The following SIRPA variants were observed in gnomAD, a reference collection of about 807,000 sequenced individuals.
SIRPA encodes signal regulatory protein alpha.
SIRPA carries 9 observed loss-of-function variants against 50.3 expected under a neutral mutation model. That is an observed-to-expected ratio of 0.18 (90% CI 0.11 to 0.31). The LOEUF (loss-of-function observed/expected upper bound fraction) is 0.31. Among genes scored for constraint, SIRPA ranks in the 10% least tolerant of loss-of-function variants. SIRPA has a pLI of 1.00. For synonymous variants in SIRPA, 265 were observed against 284.1 expected, an observed-to-expected ratio of 0.93 and a Z score of 0.68; for missense variants, 474 against 661.6, an observed-to-expected ratio of 0.72 and a Z score of 3.11.
Position 1,895,453 on chromosome 20 carries a change from G to T in SIRPA, c.6G>T (p.Glu2Asp), listed in dbSNP as rs1312698186. 7.1e-7 allele frequency: 1 copy of T among 1,414,354 alleles called. No homozygotes were observed. The highest frequency in any genetic ancestry group is 1.5e-5 in the South Asian group (1 of 65,946). The allele number at this position is 1,414,354 out of a possible 1,614,324, so 87.6% of individuals were successfully genotyped here. M[E>D]PAGPAPGRLG... The stretch of plus-strand genomic sequence containing the variant: ...TCGCTCCGCAGCCGCGGCCCATGGA[G>T]CCCGCCGGCCCGGCCCCCGGCCGCC... The change falls in exon 1 of 8, where the codon GAG becomes GAT. Residue 2 changes from glutamate to aspartate, a missense_variant. Around this residue, in one of 4 missense-constraint regions of SIRPA, gnomAD observed 72 missense variants for 76.2 expected, o/e 0.94. Transcript: ENST00000358771.
intron 6 of SIRPA, among the ~76,000 whole-genome samples, chr20:1,930,831 C>G (rs749256620): frequency 1.3e-5 from 2 of 152,196 alleles, no homozygotes; most frequent in Non-Finnish European, 1.5e-5. Flanking sequence ...CTCAGGTAAT[C>G]CACCTGCCTC....
At chr20:1,895,606 C>A in intron 1 of SIRPA, 80 bp downstream of exon 1, 2 of 1,097,514 alleles carry the variant, frequency 1.8e-6, no homozygotes, top group Non-Finnish European at 2.4e-6. Context: ...GGGACCCCTT[C>A]GGCTAATGCC....
At chr20:1,919,292 T>C (rs556887786) in intron 2 of SIRPA, among the ~76,000 whole-genome samples, 2 of 152,372 alleles carry the variant, frequency 1.3e-5, no homozygotes, top group East Asian at 3.9e-4. Flanking sequence ...CTAAAGTTTT[T>C]AATTAATCCA....
At chr20:1,900,767 C>G (rs1485169667) in intron 1 of SIRPA, among the ~76,000 whole-genome samples, 2 of 152,228 alleles carry the variant, frequency 1.3e-5, no homozygotes, top group African/African-American at 2.4e-5. Context: ...AGAAATCTGA[C>G]AGGATCCCGA....
rs1431156753 is a variant in SIRPA at position 1,937,995 on chromosome 20, A to ACCACCG, written c.*432_*433insGCCACC. ...CTCCACCACCTCCACCACCACCACC[A>ACCACCG]CCACCACCACCACCACTACCACCAC... On this transcript the variant is annotated 3_prime_UTR_variant, in exon 8 of 8. Transcript: ENST00000358771. The surrounding 1 kb of genome is among the most constrained non-coding windows in gnomAD (Gnocchi z 8.3). 2 of 142,246 alleles carry ACCACCG rather than the reference A, an allele frequency of 1.4e-5. No individual in the cohort carries two copies. Among genetic ancestry groups the ACCACCG allele is most frequent in the Non-Finnish European group, 1.4e-5 (1 of 73,630 alleles). 8.8% of individuals were successfully genotyped at this position (142,246 alleles called of 1,614,324 possible). A position where few individuals can be genotyped will look rare whatever the true frequency, so the allele number is the denominator to read the frequency against.
At chr20:1,895,670 G>A in intron 1 of SIRPA, 144 bp downstream of exon 1, 1 of 599,418 alleles carries the variant, frequency 1.7e-6, no homozygotes, top group Non-Finnish European at 2.6e-6. Flanking sequence ...TGCAGAAACT[G>A]AGGCCCAGAG....
chr20:1,895,552 C>G, intron 1 of SIRPA, 26 bp downstream of exon 1: 1 of 1,407,156 alleles, frequency 7.1e-7, no homozygotes, highest in Admixed American at 3.3e-5. Flanking sequence ...CTCCCCACCG[C>G]TGCACTCCCC....
Position 1,898,598 on chromosome 20 carries a change from T to C in SIRPA, c.79+3072T>C, listed in dbSNP as rs1737450794. Among the ~76,000 whole-genome samples, 2 of 152,108 alleles carry C rather than the reference T, an allele frequency of 1.3e-5. No homozygotes were observed. The highest frequency in any genetic ancestry group is 2.4e-5 in the African/African-American group (1 of 41,416). Reference sequence around the variant, plus strand: ...AACTGGGGAACTAACTTATAAGTGATAGAGAGGAGCCAGGATTTTGGATGC... The same window carrying C: ...AACTGGGGAACTAACTTATAAGTGACAGAGAGGAGCCAGGATTTTGGATGC... On this transcript the variant is annotated intron_variant, in intron 1 of 7. Coordinates refer to ENST00000358771, the MANE Select transcript of SIRPA (RefSeq NM_001040023.2). The surrounding 1 kb of genome is among the most constrained non-coding windows in gnomAD (Gnocchi z 4.3).
rs1175849155 is a variant in SIRPA, at chr20:1,933,197, A to G, written c.1227-1518A>G. On this transcript the variant is annotated intron_variant, in intron 6 of 7. Transcript: ENST00000358771. This position sits in a 1 kb window ranked among gnomAD's most constrained non-coding sequence, Gnocchi z 4.4. ...GGCAGGCAGGCAGGCAGACAGCAAT[A>G]GAAACCAGATATGCAGATAGACAGG... is the stretch of plus-strand genomic sequence containing the variant. 6.6e-6 allele frequency among the ~76,000 whole-genome samples: 1 copy of G among 152,218 alleles called. No homozygotes were observed. Among genetic ancestry groups the G allele is most frequent in the East Asian group, 1.9e-4 (1 of 5,196 alleles).
At chr20:1,897,711 TC>T (rs1306434152) in intron 1 of SIRPA, among the ~76,000 whole-genome samples, 1 of 150,778 alleles carries the variant, frequency 6.6e-6, no homozygotes, top group African/African-American at 2.4e-5. Context: ...GTCACATGAT[TC>T]CTGTGTCTTC....
intron 2 of SIRPA, 133 bp from the exon 3 acceptor site, chr20:1,921,262 G>A (rs907293647): frequency 5.5e-5 from 82 of 1,492,404 alleles, no homozygotes; most frequent in African/African-American, 1.4e-4. Flanking sequence ...TAAGGACACC[G>A]CCCTCATTAA....
At chr20:1,911,958 AAAAC>A (rs1318794239) in intron 1 of SIRPA, among the ~76,000 whole-genome samples, 2 of 152,146 alleles carry the variant, frequency 1.3e-5, no homozygotes, top group African/African-American at 4.8e-5. Context: ...AAAAAAAAAA[AAAAC>A]CCCTCTCTAC....
rs959992589 is a variant in SIRPA, at chr20:1,924,617, G to C, written c.1088-147G>C. ...TGGGCAAGTGTGTACAGACCCATGAGTGTGCCCATGTGGCTCGAGACATCT... is the reference window on the plus strand; with the variant it reads ...TGGGCAAGTGTGTACAGACCCATGACTGTGCCCATGTGGCTCGAGACATCT... On this transcript the variant is annotated intron_variant, in intron 4 of 7. Coordinates refer to ENST00000358771, the MANE Select transcript of SIRPA (RefSeq NM_001040023.2). The surrounding 1 kb of genome is among the most constrained non-coding windows in gnomAD (Gnocchi z 4.5). 1.5e-5 allele frequency: 10 copies of C among 663,176 alleles called. No homozygotes were observed. In the African/African-American group the frequency reaches 1.8e-4, roughly 12 times the overall value. 41.1% of individuals were successfully genotyped at this position (663,176 alleles called of 1,614,324 possible). A position where few individuals can be genotyped will look rare whatever the true frequency, so the allele number is the denominator to read the frequency against.
In SIRPA at chr20:1,927,815, T is replaced by G; in HGVS notation, c.1202-60T>G. 1 of 1,545,816 alleles carries G rather than the reference T, an allele frequency of 6.5e-7. No individual in the cohort carries two copies. Among genetic ancestry groups the G allele is most frequent in the Non-Finnish European group, 8.9e-7 (1 of 1,117,760 alleles). Reference sequence around the variant, plus strand: ...AGGCAAACCTTTTGCCAAAAAATAGTTACATAAGAAAAGTGTGCTTCTAGT... The same window carrying G: ...AGGCAAACCTTTTGCCAAAAAATAGGTACATAAGAAAAGTGTGCTTCTAGT... On this transcript the variant is annotated intron_variant, in intron 5 of 7. Transcript: ENST00000358771. The surrounding 1 kb of genome is among the most constrained non-coding windows in gnomAD (Gnocchi z 6.5).
upstream of SIRPA, chr20:1,895,182 C>G: frequency 2.8e-6 from 1 of 352,442 alleles, no homozygotes; most frequent in Non-Finnish European, 5.1e-6. Context: ...TGCCGCCTCT[C>G]TCTGGCCGCC....
intron 6 of SIRPA, among the ~76,000 whole-genome samples, chr20:1,931,352 G>A (rs1039189770): frequency 2.0e-5 from 3 of 152,160 alleles, no homozygotes; most frequent in African/African-American, 2.4e-5. Context: ...GAGGTCCTGC[G>A]GCTAGGAAGC....
chr20:1,937,214 C>T lies in SIRPA; in HGVS notation c.1267-106C>T, dbSNP rs1986626695. 7 of 1,356,854 alleles carry T rather than the reference C, an allele frequency of 5.2e-6. No individual in the cohort carries two copies. The highest frequency in any genetic ancestry group is 1.4e-5 in the African/African-American group (1 of 69,174). 84.1% of individuals were successfully genotyped at this position (1,356,854 alleles called of 1,614,324 possible). A position where few individuals can be genotyped will look rare whatever the true frequency, so the allele number is the denominator to read the frequency against. ...GACTTATGGCTGAGCCAGTGTGGGC[C>T]GAGAGGACACAGAAGCATCCAGACT... On this transcript the variant is annotated intron_variant, in intron 7 of 7. Transcript: ENST00000358771. The surrounding 1 kb of genome is among the most constrained non-coding windows in gnomAD (Gnocchi z 8.3).
chr20:1,907,887 T>C (rs954654115), intron 1 of SIRPA, among the ~76,000 whole-genome samples: 2 of 152,210 alleles, frequency 1.3e-5, no homozygotes, highest in African/African-American at 4.8e-5. Context: ...GTGGCATCCA[T>C]GCAGCCATCC....
intron 1 of SIRPA, among the ~76,000 whole-genome samples, chr20:1,900,299 C>T (rs1321154793): frequency 1.3e-5 from 2 of 152,010 alleles, no homozygotes; most frequent in Admixed American, 6.6e-5. Context: ...AAGGTTTCTC[C>T]GTGTTGGTCA....
Sources: gnomAD v4.1 joint callset for allele counts (sites outside exome capture counted in the v4.1 genomes callset) on GRCh38, gnomAD v4.1.1 for gene constraint, gnomAD v4.1.1 regional missense constraint, Gnocchi (gnomAD v3.1) non-coding constraint, MANE v1.5 for transcripts, NCBI Gene and HGNC (gene_info 2026-07-23, HGNC 2026-07-21) for gene names.